The following PTPRD variants were observed in gnomAD, a reference collection of about 807,000 sequenced individuals.
PTPRD encodes the protein protein tyrosine phosphatase receptor type D.
Under a neutral mutation model 214.5 loss-of-function variants are expected in PTPRD, and 34 were observed. That is an observed-to-expected ratio of 0.16 (90% CI 0.12 to 0.21). PTPRD has a LOEUF of 0.21. Among genes scored for constraint, PTPRD ranks in the 10% least tolerant of loss-of-function variants. The pLI, the probability that PTPRD is intolerant of heterozygous loss-of-function variation, is 1.00. For missense variants in PTPRD, 2,545 were observed against 2,398.7 expected (o/e 1.06, Z -1.27); for synonymous variants, 1,128 against 845.7 (o/e 1.33, Z -5.79).
At chr9:10,096,363 T>A (rs901401315) in intron 3 of PTPRD, among the ~76,000 whole-genome samples, 1 of 151,554 alleles carries the variant, frequency 6.6e-6, no homozygotes, top group Non-Finnish European at 1.5e-5. Flanking sequence ...AGAAACTGTT[T>A]AAAAAATGCT....
At chr9:9,922,837 G>C (rs370940898) in intron 5 of PTPRD, among the ~76,000 whole-genome samples, 1 of 152,014 alleles carries the variant, frequency 6.6e-6, no homozygotes, top group African/African-American at 2.4e-5. Flanking sequence ...CCAGATTGAA[G>C]GGGACTGAAG....
intron 21 of PTPRD, among the ~76,000 whole-genome samples, chr9:8,512,939 C>G (rs1448092313): frequency 6.6e-6 from 1 of 151,772 alleles, no homozygotes; most frequent in Non-Finnish European, 1.5e-5. Flanking sequence ...ATATAGTTAC[C>G]CTATGCTTTT....
chr9:9,863,507 G>A (rs10114956), intron 5 of PTPRD, among the ~76,000 whole-genome samples: 8,309 of 152,116 alleles, frequency 0.055, 490 homozygotes, highest in African/African-American at 0.15. Flanking sequence ...CAATTTGGGG[G>A]AATTGATCTC....
chr9:9,005,165 G>A (rs905065442), intron 11 of PTPRD, among the ~76,000 whole-genome samples: 1 of 152,034 alleles, frequency 6.6e-6, no homozygotes, highest in African/African-American at 2.4e-5. Flanking sequence ...CTAGCTTAGA[G>A]GAGCTTAATA....
intron 11 of PTPRD, among the ~76,000 whole-genome samples, chr9:8,777,056 C>T (rs1200332772): frequency 2.0e-5 from 3 of 151,652 alleles, no homozygotes; most frequent in Non-Finnish European, 4.4e-5. Context: ...TCACGGCTCA[C>T]TGCTGCCTCA....
At chr9:8,846,899 G>T (rs1008349018) in intron 11 of PTPRD, among the ~76,000 whole-genome samples, 1 of 152,158 alleles carries the variant, frequency 6.6e-6, no homozygotes, top group African/African-American at 2.4e-5. Context: ...GGAATGACGT[G>T]ATCAGATTTG....
intron 11 of PTPRD, among the ~76,000 whole-genome samples, chr9:8,950,208 A>T (rs2099094027): frequency 6.6e-6 from 1 of 152,196 alleles, no homozygotes; most frequent in Admixed American, 6.6e-5. Context: ...TAGGGGGAAC[A>T]ACCTACTAAG....
At chr9:8,674,456 CAAAAAAAA>C (rs57588808) in intron 12 of PTPRD, among the ~76,000 whole-genome samples, 6 of 62,334 alleles carry the variant, frequency 9.6e-5, no homozygotes, top group Non-Finnish European at 8.3e-5. Context: ...GACGCTGTCT[CAAAAAAAA>C]AAAAAAAAAA....
intron 5 of PTPRD, among the ~76,000 whole-genome samples, chr9:9,916,661 G>C (rs2080911930): frequency 6.6e-6 from 1 of 151,878 alleles, no homozygotes; most frequent in Non-Finnish European, 1.5e-5. Flanking sequence ...AAAGCTAACA[G>C]TAGTTATAGT....
At chr9:9,325,179 T>C (rs1969277515) in intron 9 of PTPRD, among the ~76,000 whole-genome samples, 1 of 152,172 alleles carries the variant, frequency 6.6e-6, no homozygotes, top group South Asian at 2.1e-4. Flanking sequence ...ATGTGGTCTC[T>C]TTTTTGGTTC....
At chr9:10,567,108 G>C (rs2065867990) in intron 2 of PTPRD, among the ~76,000 whole-genome samples, 1 of 151,990 alleles carries the variant, frequency 6.6e-6, no homozygotes, top group African/African-American at 2.4e-5. Flanking sequence ...AGTAATTAGT[G>C]TTGTGAGAGC....
intron 35 of PTPRD, among the ~76,000 whole-genome samples, chr9:8,429,465 C>G (rs1025741584): frequency 3.9e-5 from 6 of 152,122 alleles, no homozygotes; most frequent in African/African-American, 1.4e-4. Flanking sequence ...CGTCTCAACA[C>G]TGTCTTGATG....
intron 3 of PTPRD, among the ~76,000 whole-genome samples, chr9:10,094,704 A>G (rs2098466061): frequency 6.6e-6 from 1 of 151,328 alleles, no homozygotes; most frequent in Non-Finnish European, 1.5e-5. Flanking sequence ...TGACTTCTCA[A>G]CAGGAATTGA....
intron 34 of PTPRD, 129 bp downstream of exon 34, chr9:8,449,596 T>A (rs532510503): frequency 3.5e-6 from 3 of 848,278 alleles, no homozygotes; most frequent in Non-Finnish European, 3.5e-6. Flanking sequence ...GTCTCCATAA[T>A]AGTAAAATAA....
At chr9:8,528,216 T>A (rs1372703627) in intron 15 of PTPRD, 1 of 420,526 alleles carries the variant, frequency 2.4e-6, no homozygotes, top group East Asian at 3.5e-5. Context: ...CCTTGCAAGT[T>A]CTGAATGAAG....
At chr9:10,139,037 C>T (rs993633625) in intron 3 of PTPRD, among the ~76,000 whole-genome samples, 2 of 151,828 alleles carry the variant, frequency 1.3e-5, no homozygotes, top group African/African-American at 4.8e-5. Flanking sequence ...GAAGTCCTAG[C>T]CAGAGAAATC....
chr9:9,387,339 T>C (rs1723015074), intron 9 of PTPRD, among the ~76,000 whole-genome samples: 1 of 152,224 alleles, frequency 6.6e-6, no homozygotes, highest in Non-Finnish European at 1.5e-5. Context: ...GGCTAGAGTG[T>C]CTCATTTTGG....
In PTPRD at chr9:8,440,998, G is replaced by A. The variant is rs193063141; in HGVS notation, c.3989-4309C>T. On this transcript the variant is annotated intron_variant, in intron 34 of 45. Transcript: ENST00000381196. ...GGGCATCTTTCTACTGTACTATTCC[G>A]AGAACGGCATTTGCGATCTTCTAAA... is the stretch of plus-strand genomic sequence containing the variant. 1.4e-3 allele frequency among the ~76,000 whole-genome samples: 207 copies of A among 152,180 alleles called. 1 individual carries two copies. The highest frequency in any genetic ancestry group is 2.8e-4 in the Non-Finnish European group (19 of 68,018).
chr9:8,633,986 C>T (rs1459918939), intron 13 of PTPRD, among the ~76,000 whole-genome samples: 1 of 151,940 alleles, frequency 6.6e-6, no homozygotes, highest in Non-Finnish European at 1.5e-5. Context: ...AGGCAGCCAA[C>T]GAGACAGCTT....
Sources: gnomAD v4.1 joint callset for allele counts (sites outside exome capture counted in the v4.1 genomes callset) on GRCh38, gnomAD v4.1.1 for gene constraint, MANE v1.5 for transcripts, NCBI Gene and HGNC (gene_info 2026-07-23, HGNC 2026-07-21) for gene names.